Variants in TENM1 observed in about 807,000 individuals in gnomAD.
The protein encoded by TENM1 is teneurin transmembrane protein 1, also known as teneurin-1.
A neutral mutation model predicts 174.8 loss-of-function variants in TENM1; 35 were observed. The ratio of observed to expected loss-of-function variants is 0.20; its 90% CI spans 0.15 to 0.27. The LOEUF is 0.27. TENM1 is among the 10% of genes least tolerant of loss of function. TENM1 has a pLI of 1.00. For synonymous variants in TENM1, 781 were observed against 798.7 expected, an observed-to-expected ratio of 0.98 and a Z score of 0.37; for missense variants, 1,633 against 2,130.1, an observed-to-expected ratio of 0.77 and a Z score of 4.59.
the TENM1 span, among the ~76,000 whole-genome samples, chrX:125,194,533 C>T: frequency 9.0e-6 from 1 of 111,637 alleles, no homozygotes; most frequent in Non-Finnish European, 1.9e-5. Flanking sequence ...CCCCTTATCT[C>T]GTTCAGTTGA....
the TENM1 span, among the ~76,000 whole-genome samples, chrX:124,975,259 C>A: frequency 3.6e-5 from 4 of 110,770 alleles, 1 homozygote. Context: ...TTCAAGGAAA[C>A]TGAAGGTAAC....
In TENM1 at chrX:124,447,883, T is replaced by C. The variant is rs775215024; in HGVS notation, c.4104+5454A>G. Among the ~76,000 whole-genome samples, 20 of 111,820 alleles carry C rather than the reference T, an allele frequency of 1.8e-4. No homozygotes were observed. In the Admixed American group the frequency reaches 1.8e-3, roughly 10 times the overall value. Reference sequence around the variant, plus strand: ...TCCACTCCCCTATTTACCATTGCCATGTGTAAACTAATAGCAATCACAACT... The same window carrying C: ...TCCACTCCCCTATTTACCATTGCCACGTGTAAACTAATAGCAATCACAACT... On this transcript the variant is annotated intron_variant, in intron 23 of 31. Coordinates refer to ENST00000422452, the Ensembl canonical transcript of TENM1.
intron 3 of TENM1, among the ~76,000 whole-genome samples, chrX:124,841,532 G>T (rs924118118): frequency 1.8e-5 from 2 of 109,465 alleles, no homozygotes; most frequent in African/African-American, 6.7e-5. Flanking sequence ...GTAACCTGGG[G>T]TTTCTCAAAA....
chrX:124,639,468 G>A (rs991582472), intron 11 of TENM1, among the ~76,000 whole-genome samples: 2 of 111,839 alleles, frequency 1.8e-5, no homozygotes, highest in African/African-American at 6.5e-5. Context: ...TGTGACACAG[G>A]GCCCTGGACA....
At chrX:125,089,855 C>T in the TENM1 span, among the ~76,000 whole-genome samples, 11 of 111,305 alleles carry the variant, frequency 9.9e-5, no homozygotes, top group East Asian at 2.3e-3. Flanking sequence ...AAGCTACTGG[C>T]TTATTATATT....
rs1177262115 is a variant in TENM1, at chrX:124,558,820, G to C, written c.2434+2851C>G. The stretch of plus-strand genomic sequence containing the variant: ...AAATGGTAATCGGAAATCTCAAGGA[G>C]CTTTCCCCCCGTTCCCTAAAGAGAC... On this transcript the variant is annotated intron_variant, in intron 14 of 31. Coordinates refer to ENST00000422452, the Ensembl canonical transcript of TENM1. 2.7e-5 allele frequency among the ~76,000 whole-genome samples: 3 copies of C among 110,836 alleles called. No homozygotes were observed. The Admixed American group carries it at 2.9e-4, about 11-fold the overall frequency.
chrX:124,473,336 G>T (rs1470566542), intron 22 of TENM1, among the ~76,000 whole-genome samples: 1 of 111,543 alleles, frequency 9.0e-6, no homozygotes, highest in African/African-American at 3.3e-5. Context: ...TAAGTGATTT[G>T]CAGCCTATTA....
chrX:124,461,903 A>C (rs1297335546), intron 22 of TENM1, among the ~76,000 whole-genome samples: 1 of 112,049 alleles, frequency 8.9e-6, no homozygotes, highest in Non-Finnish European at 1.9e-5. Context: ...AAAGACAACT[A>C]TTTAAGGTGA....
chrX:124,488,934 C>T (rs2047007575), intron 20 of TENM1, among the ~76,000 whole-genome samples: 1 of 112,762 alleles, frequency 8.9e-6, no homozygotes, highest in Admixed American at 9.4e-5. Flanking sequence ...AATAATGTCA[C>T]TGTGAATTTG....
intron 1 of TENM1, among the ~76,000 whole-genome samples, chrX:124,950,801 C>T (rs1218573603): frequency 9.0e-6 from 1 of 111,508 alleles, no homozygotes; most frequent in Non-Finnish European, 1.9e-5. Context: ...AACTTTGGTT[C>T]CGAACCTGAG....
chrX:124,452,463 T>C (rs1359504471), intron 23 of TENM1, among the ~76,000 whole-genome samples: 10 of 112,034 alleles, frequency 8.9e-5, no homozygotes, highest in Non-Finnish European at 7.5e-5. Flanking sequence ...GTCAGTGTGG[T>C]GATTCCTCAG....
chrX:125,196,278 T>A, the TENM1 span, among the ~76,000 whole-genome samples: 1 of 111,110 alleles, frequency 9.0e-6, no homozygotes, highest in Non-Finnish European at 1.9e-5. Context: ...AGCGTATGAG[T>A]CACAGTCACA....
chrX:125,004,822 T>C, the TENM1 span, among the ~76,000 whole-genome samples: 1 of 111,960 alleles, frequency 8.9e-6, no homozygotes, highest in African/African-American at 3.2e-5. Flanking sequence ...TTTTCTTTTT[T>C]AATTACTTTT....
In TENM1 at chrX:124,710,833, G is replaced by A. The variant is rs184950275; in HGVS notation, c.777-5582C>T. 2.5e-4 allele frequency among the ~76,000 whole-genome samples: 28 copies of A among 112,101 alleles called. No individual in the cohort carries two copies. In the East Asian group the frequency reaches 7.6e-3, roughly 30 times the overall value. ...AACCATGAAAAAGAGCAATGCAAAT[G>A]ACGTGTTTTGTCATAGGCTTTGCAG... is the stretch of plus-strand genomic sequence containing the variant. On this transcript the variant is annotated intron_variant, in intron 4 of 31. Coordinates refer to ENST00000422452, the Ensembl canonical transcript of TENM1.
At chrX:124,807,772 T>G (rs1455739699) in intron 3 of TENM1, among the ~76,000 whole-genome samples, 1 of 110,494 alleles carries the variant, frequency 9.1e-6, no homozygotes, top group Non-Finnish European at 1.9e-5. Flanking sequence ...CTGTTATGAC[T>G]GCAAGATATT....
At position 124,481,723 on chromosome X, in the gene TENM1, A is replaced by G. The variant is rs774592580; in HGVS notation, c.3949+9T>C. 3.1e-6 allele frequency: 2 copies of G among 647,952 alleles called. No individual in the cohort carries two copies. The highest frequency in any genetic ancestry group is 6.6e-5 in the Admixed American group (2 of 30,344). The allele number at this position is 647,952 out of a possible 1,213,427, so 53.4% of individuals were successfully genotyped here. On this transcript the variant is annotated intron_variant, in intron 22 of 31. Transcript: ENST00000422452. Reference sequence around the variant, plus strand: ...TATATATATATATATTTATTTATTTATTTTTTACCTCGAGGGCTATTCAGT... The same window carrying G: ...TATATATATATATATTTATTTATTTGTTTTTTACCTCGAGGGCTATTCAGT...
chrX:125,102,409 CCCA>C, the TENM1 span, among the ~76,000 whole-genome samples: 1 of 109,646 alleles, frequency 9.1e-6, no homozygotes, highest in Non-Finnish European at 1.9e-5. Flanking sequence ...CAGAAAAAAA[CCCA>C]ACCATAATAA....
At chrX:124,599,489 G>A (rs953500646) in intron 11 of TENM1, among the ~76,000 whole-genome samples, 4 of 111,117 alleles carry the variant, frequency 3.6e-5, no homozygotes, top group African/African-American at 9.8e-5. Flanking sequence ...TGATGAGTGT[G>A]ATGAGAAATG....
At chrX:124,405,758 A>G (rs1242545728) in intron 26 of TENM1, among the ~76,000 whole-genome samples, 1 of 111,065 alleles carries the variant, frequency 9.0e-6, no homozygotes, top group African/African-American at 3.3e-5. Flanking sequence ...TCTTAATGAC[A>G]GGGCAGAGAG....
Sources: gnomAD v4.1 joint callset for allele counts (sites outside exome capture counted in the v4.1 genomes callset) on GRCh38, gnomAD v4.1.1 for gene constraint, MANE v1.5 for transcripts, NCBI Gene and HGNC (gene_info 2026-07-23, HGNC 2026-07-21) for gene names.